The following HDAC11 variants were observed in gnomAD, a reference collection of about 807,000 sequenced individuals.
HDAC11 encodes histone deacetylase 11.
HDAC11 carries 23 observed loss-of-function variants against 41.1 expected under a neutral mutation model. That is an observed-to-expected ratio of 0.56 (90% CI 0.40 to 0.79). The LOEUF (loss-of-function observed/expected upper bound fraction) is 0.79. HDAC11 is among the 30% of genes least tolerant of loss of function. The probability of loss-of-function intolerance (pLI) is 0.00; values close to 1 mark genes in which losing one functional copy is unlikely to be tolerated. For synonymous variants in HDAC11, 187 were observed against 186.6 expected, an observed-to-expected ratio of 1.00 and a Z score of -0.02; for missense variants, 402 against 477.3, an observed-to-expected ratio of 0.84 and a Z score of 1.47.
intron 8 of HDAC11, 66 bp from the exon 9 acceptor site, chr3:13,504,026 CCA>C: frequency 6.9e-7 from 1 of 1,456,848 alleles, no homozygotes; most frequent in Non-Finnish European, 9.4e-7. Context: ...TGCCTGGTGT[CCA>C]CAGTCTTGTC....
At chr3:13,490,552 A>G (rs1319611486) in intron 3 of HDAC11, among the ~76,000 whole-genome samples, 2 of 152,014 alleles carry the variant, frequency 1.3e-5, no homozygotes, top group Non-Finnish European at 2.9e-5. Flanking sequence ...CAAATCTTGC[A>G]CCTCTTGGTT....
intron 3 of HDAC11, among the ~76,000 whole-genome samples, chr3:13,491,068 TTG>T (rs58333021): frequency 0.23 from 31,851 of 140,054 alleles, 3,462 homozygotes; most frequent in East Asian, 0.34. Flanking sequence ...GCTTTAATAG[TTG>T]TGTGTGTGTG....
intron 3 of HDAC11, among the ~76,000 whole-genome samples, chr3:13,486,079 C>T (rs1466691418): frequency 6.6e-6 from 1 of 151,802 alleles, no homozygotes; most frequent in African/African-American, 2.4e-5. Context: ...ATCAGCCTGG[C>T]CAACATGGAG....
At chr3:13,497,661 A>G (rs909347135) in intron 4 of HDAC11, among the ~76,000 whole-genome samples, 13 of 152,188 alleles carry the variant, frequency 8.5e-5, no homozygotes, top group African/African-American at 2.9e-4. Context: ...ATTTGGAGAT[A>G]GAGGAATGTT....
At position 13,480,638 on chromosome 3, in the gene HDAC11, C is replaced by G; in HGVS notation, c.2+289C>G. ...GTCTGACGTCTGCGCTGCCCAGCCC[C>G]CTGGCTACGCGGACGCCCCCACGGA... is the stretch of plus-strand genomic sequence containing the variant. On this transcript the variant is annotated intron_variant, in intron 1 of 9. Transcript: ENST00000295757. The surrounding 1 kb of genome is among the most constrained non-coding windows in gnomAD (Gnocchi z 4.6). 2.4e-6 allele frequency: 1 copy of G among 408,860 alleles called. No individual in the cohort carries two copies. The highest frequency in any genetic ancestry group is 4.9e-6 in the Non-Finnish European group (1 of 203,132). The allele number at this position is 408,860 out of a possible 1,614,324, so 25.3% of individuals were successfully genotyped here.
chr3:13,494,516 GGTGTGTCCTGCAGCTGTCTGGCT>G (rs1169273900), intron 3 of HDAC11, among the ~76,000 whole-genome samples: 1 of 152,336 alleles, frequency 6.6e-6, no homozygotes, highest in African/African-American at 2.4e-5. Flanking sequence ...TACACTCATG[GGTGTGTCCTGCAGCTGTCTGGCT>G]GTGCTGGTCC....
intron 2 of HDAC11, among the ~76,000 whole-genome samples, chr3:13,482,849 A>T (rs1472757846): frequency 6.6e-6 from 1 of 152,152 alleles, no homozygotes; most frequent in African/African-American, 2.4e-5. Context: ...CCCAGGCTAG[A>T]GTGCAGTGGC....
chr3:13,501,708 G>A (rs1381058567), intron 6 of HDAC11, 163 bp from the exon 7 acceptor site: 1 of 732,290 alleles, frequency 1.4e-6, no homozygotes, highest in East Asian at 2.6e-5. Context: ...CACAGCTGGA[G>A]CTGCACAGCT....
At chr3:13,492,509 C>T (rs1425258788) in intron 3 of HDAC11, among the ~76,000 whole-genome samples, 1 of 152,132 alleles carries the variant, frequency 6.6e-6, no homozygotes, top group African/African-American at 2.4e-5. Context: ...GAAGATGAAG[C>T]CAAGGTGTGG....
Position 13,504,752 on chromosome 3 carries a change from A to G in HDAC11, c.*69A>G. 4.3e-6 allele frequency: 6 copies of G among 1,382,832 alleles called. No homozygotes were observed. The highest frequency in any genetic ancestry group is 1.9e-4 in the Middle Eastern group (1 of 5,386). 85.7% of individuals were successfully genotyped at this position (1,382,832 alleles called of 1,614,324 possible). A position where few individuals can be genotyped will look rare whatever the true frequency, so the allele number is the denominator to read the frequency against. ...TTAGTGCTTTTTGTTTTCTAACCTC[A>G]TGGGGTGGTGGAGGCAGCCTTCAGT... On this transcript the variant is annotated 3_prime_UTR_variant, in exon 10 of 10. Transcript: ENST00000295757.
At chr3:13,488,404 C>T (rs912592437) in intron 3 of HDAC11, among the ~76,000 whole-genome samples, 11 of 152,164 alleles carry the variant, frequency 7.2e-5, no homozygotes, top group Admixed American at 6.6e-4. Context: ...ACCCTGTGTC[C>T]TTTAAACACT....
intron 3 of HDAC11, among the ~76,000 whole-genome samples, chr3:13,488,250 AT>A (rs1275361404): frequency 6.6e-6 from 1 of 151,838 alleles, no homozygotes; most frequent in Non-Finnish European, 1.5e-5. Flanking sequence ...TTAAAAAAAA[AT>A]TTTTTTTAAT....
chr3:13,481,277 C>G lies in HDAC11; in HGVS notation c.34C>G (p.Pro12Ala), dbSNP rs368815162. 5 of 1,612,526 alleles carry G rather than the reference C, an allele frequency of 3.1e-6. No homozygotes were observed. The highest frequency in any genetic ancestry group is 4.2e-6 in the Non-Finnish European group (5 of 1,179,976). Residue 12 changes from proline (P) to alanine (A), a missense_variant, in exon 2 of 10, where the codon CCA (proline) becomes GCA (alanine). By Grantham distance (27) the Pro-to-Ala change is conservative. Transcript: ENST00000295757. The stretch of plus-strand genomic sequence containing the variant: ...CACAACCCAGCTGTACCAGCATGTG[C>G]CAGAGACACGCTGGCCAATCGTGTA... ...LHTTQLYQHV[P>A]ETRWPIVYSP...
intron 5 of HDAC11, among the ~76,000 whole-genome samples, chr3:13,499,236 C>A (rs554962087): frequency 6.6e-6 from 1 of 152,330 alleles, no homozygotes; most frequent in East Asian, 1.9e-4. Flanking sequence ...ATGGCGCGAT[C>A]TCGGCTCACC....
At chr3:13,491,255 G>A (rs1419477763) in intron 3 of HDAC11, among the ~76,000 whole-genome samples, 1 of 151,996 alleles carries the variant, frequency 6.6e-6, no homozygotes, top group Non-Finnish European at 1.5e-5. Context: ...TAGCAGTAGT[G>A]GAGCAGGCAT....
At chr3:13,497,306 G>C (rs1360953525) in intron 4 of HDAC11, among the ~76,000 whole-genome samples, 1 of 152,024 alleles carries the variant, frequency 6.6e-6, no homozygotes, top group Admixed American at 6.6e-5. Context: ...AGGCTCCTGA[G>C]TAGCTGGGAC....
chr3:13,494,659 A>T (rs1175687526), intron 3 of HDAC11, among the ~76,000 whole-genome samples: 1 of 151,932 alleles, frequency 6.6e-6, no homozygotes, highest in Non-Finnish European at 1.5e-5. Context: ...CTTCCCGACC[A>T]TGAGTGGGAC....
Position 13,504,086 on chromosome 3 carries a change from T to G in HDAC11, c.650-8T>G, listed in dbSNP as rs201771351. On this transcript the variant is annotated splice_polypyrimidine_tract_variant and splice_region_variant and intron_variant, in intron 8 of 9. Coordinates refer to ENST00000295757, the MANE Select transcript of HDAC11 (RefSeq NM_024827.4). ...TATAAATTGAGGCCATCCATGTCTC[T>G]CTCCCAGAGGCCATCAGGCGGAAGG... 3 of 1,613,448 alleles carry G rather than the reference T, an allele frequency of 1.9e-6. No individual in the cohort carries two copies. Among genetic ancestry groups the G allele is most frequent in the Non-Finnish European group, 2.5e-6 (3 of 1,179,782 alleles).
At chr3:13,501,745 G>A in intron 6 of HDAC11, 126 bp from the exon 7 acceptor site, 1 of 805,564 alleles carries the variant, frequency 1.2e-6, no homozygotes, top group Admixed American at 1.9e-5. Flanking sequence ...ATCTTTGCTG[G>A]GTGGCCTGAT....
Sources: allele counts gnomAD v4.1 joint callset (sites outside exome capture counted in the v4.1 genomes callset), GRCh38; gene constraint gnomAD v4.1.1; non-coding constraint Gnocchi (gnomAD v3.1); transcripts MANE v1.5; gene names NCBI Gene and HGNC (gene_info 2026-07-23, HGNC 2026-07-21).